The following CHIA variants were observed in gnomAD, a reference collection of about 807,000 sequenced individuals.
CHIA encodes chitinase acidic.
Under a neutral mutation model 53.5 loss-of-function variants are expected in CHIA, and 47 were observed. That is an observed-to-expected ratio of 0.88 (90% CI 0.70 to 1.12). The LOEUF is 1.12. Ranked by LOEUF, CHIA falls within the 50% of genes most tolerant of loss-of-function variation. The probability of loss-of-function intolerance (pLI) is 0.00; values close to 1 mark genes in which losing one functional copy is unlikely to be tolerated. For missense variants in CHIA, 652 were observed against 592.2 expected, an observed-to-expected ratio of 1.10 and a Z score of -1.05; for synonymous variants, 268 against 222.2, an observed-to-expected ratio of 1.21 and a Z score of -1.83.
intron 1 of CHIA, among the ~76,000 whole-genome samples, chr1:111,300,453 A>G (rs1647623716): frequency 1.3e-5 from 2 of 152,230 alleles, no homozygotes; most frequent in Admixed American, 6.5e-5. Flanking sequence ...CTGATCTTTG[A>G]CAAACCTGAC....
At position 111,320,274 on chromosome 1, in the gene CHIA, C is replaced by T. The variant is rs762901024; in HGVS notation, c.1239C>T (p.Asn413=). 2.0e-5 allele frequency: 33 copies of T among 1,613,996 alleles called. 1 individual carries two copies. Among genetic ancestry groups the T allele is most frequent in the Admixed American group, 1.8e-4 (11 of 60,000 alleles). ...PITAAPSGSG[N]GSGSSSSGGS... is the part of the protein sequence containing the mutation. ...CTGCTGCTCCCAGTGGCAGCGGGAA[C>T]GGGAGCGGGAGTAGCAGCTCTGGAG... Residue 413 remains asparagine, a synonymous_variant, in exon 12 of 12, where the codon AAC becomes AAT. Coordinates refer to ENST00000369740, the MANE Select transcript of CHIA (RefSeq NM_201653.4).
At chr1:111,296,263 G>T (rs993034299) in intron 1 of CHIA, among the ~76,000 whole-genome samples, 8 of 152,202 alleles carry the variant, frequency 5.3e-5, no homozygotes, top group Admixed American at 6.5e-5. Flanking sequence ...CTCCTCAAGT[G>T]GGTCCCTGAC....
intron 4 of CHIA, 136 bp downstream of exon 4, chr1:111,312,527 C>T (rs74108971): frequency 0.11 from 80,128 of 713,438 alleles, 5,214 homozygotes; most frequent in African/African-American, 0.19. Flanking sequence ...TCTTTTATAA[C>T]TGACAAAAAT....
intron 1 of CHIA, among the ~76,000 whole-genome samples, chr1:111,295,962 C>G (rs1571261423): frequency 6.6e-6 from 1 of 152,214 alleles, no homozygotes; most frequent in Admixed American, 6.5e-5. Context: ...TCACTGCTAG[C>G]GCAGCAGTCT....
intron 2 of CHIA, among the ~76,000 whole-genome samples, chr1:111,311,428 T>C (rs140275807): frequency 2.0e-5 from 3 of 152,296 alleles, no homozygotes; most frequent in African/African-American, 4.8e-5. Flanking sequence ...CTTCCATAGA[T>C]AGTAAACTTC....
chr1:111,302,731 A>G (rs1338942404), intron 1 of CHIA, among the ~76,000 whole-genome samples: 1 of 152,178 alleles, frequency 6.6e-6, no homozygotes, highest in Non-Finnish European at 1.5e-5. Context: ...TGTTTTTGTT[A>G]GGTAGAGTAT....
chr1:111,313,291 T>A (rs907428604), intron 4 of CHIA, among the ~76,000 whole-genome samples: 5 of 152,192 alleles, frequency 3.3e-5, no homozygotes. Flanking sequence ...GAGTTCCTTT[T>A]TTTTCCATGT....
At chr1:111,317,611 G>GT (rs1363984560) in intron 6 of CHIA, 70 bp from the exon 7 acceptor site, 1 of 1,543,536 alleles carries the variant, frequency 6.5e-7, no homozygotes, top group Admixed American at 1.7e-5. Flanking sequence ...ACAGACATAT[G>GT]TTTATTAGTA....
rs368211379 is a variant in CHIA, at chr1:111,320,376, C to T, written c.1341C>T (p.Phe447=). ...CCGTGGCAAATAACAGAAATGCCTT[C>T]TGGCACTGCGTGAATGGAGTCACGT... ...LYPVANNRNA[F]WHCVNGVTYQ... The change falls in exon 12 of 12, where the codon TTC becomes TTT. Residue 447 remains phenylalanine, a synonymous_variant. Transcript: ENST00000369740. The T allele has an allele frequency of 6.2e-7, 1 of 1,614,228 alleles. No individual in the cohort carries two copies. The highest frequency in any genetic ancestry group is 8.5e-7 in the Non-Finnish European group (1 of 1,180,042).
chr1:111,309,859 C>T (rs72693259), intron 1 of CHIA, among the ~76,000 whole-genome samples: 9 of 152,152 alleles, frequency 5.9e-5, no homozygotes, highest in Non-Finnish European at 1.0e-4. Flanking sequence ...TCTTGGTGAC[C>T]TTTATAGGGG....
chr1:111,320,426 T>A lies in CHIA; in HGVS notation c.1391T>A (p.Leu464His). 6.2e-7 allele frequency: 1 copy of A among 1,614,194 alleles called. No homozygotes were observed. Among genetic ancestry groups the A allele is most frequent in the Non-Finnish European group, 8.5e-7 (1 of 1,180,030 alleles). The part of the protein sequence containing the change: ...VTYQQNCQAG[L>H]VFDTSCDCCN... ...TACCAGCAGAACTGCCAGGCCGGGCTTGTCTTCGACACCAGCTGTGATTGC... is the reference window on the plus strand; with the variant it reads ...TACCAGCAGAACTGCCAGGCCGGGCATGTCTTCGACACCAGCTGTGATTGC... Residue 464 changes from leucine (L) to histidine (H), a missense_variant, in exon 12 of 12, where the codon CTT becomes CAT. Physicochemically the swap from Leu to His is moderately conservative, Grantham distance 99. Coordinates refer to ENST00000369740, the MANE Select transcript of CHIA (RefSeq NM_201653.4).
chr1:111,297,909 A>AAAAC (rs1334699859), intron 1 of CHIA, among the ~76,000 whole-genome samples: 7 of 146,834 alleles, frequency 4.8e-5, no homozygotes, highest in Non-Finnish European at 1.1e-4. Context: ...AGCAAAAAAA[A>AAAAC]AAAAAAAAAA....
chr1:111,297,008 G>A (rs899987635), intron 1 of CHIA, among the ~76,000 whole-genome samples: 2 of 152,144 alleles, frequency 1.3e-5, no homozygotes, highest in African/African-American at 2.4e-5. Flanking sequence ...AATAAACCTA[G>A]AAGAGAAGTT....
chr1:111,311,798 G>T, intron 3 of CHIA, 80 bp downstream of exon 3: 1 of 1,456,488 alleles, frequency 6.9e-7, no homozygotes, highest in South Asian at 1.1e-5. Context: ...GCCGCTGTTT[G>T]CTTCACAGAC....
At chr1:111,313,286 C>T (rs1249508500) in intron 4 of CHIA, among the ~76,000 whole-genome samples, 1 of 152,130 alleles carries the variant, frequency 6.6e-6, no homozygotes, top group Non-Finnish European at 1.5e-5. Context: ...GGCAAGAGTT[C>T]CTTTTTTTTC....
intron 2 of CHIA, 99 bp downstream of exon 2, chr1:111,310,591 T>C (rs1375246536): frequency 1.3e-6 from 2 of 1,566,422 alleles, no homozygotes; most frequent in Non-Finnish European, 8.6e-7. Flanking sequence ...TACATCCCTA[T>C]ACTTTTCCAT....
intron 1 of CHIA, among the ~76,000 whole-genome samples, chr1:111,293,115 G>T (rs1661125634): frequency 6.6e-6 from 1 of 152,086 alleles, no homozygotes; most frequent in Admixed American, 6.5e-5. Context: ...GGAATTGCTG[G>T]ATCATATGGT....
At chr1:111,313,792 A>T (rs1648904141) in intron 4 of CHIA, among the ~76,000 whole-genome samples, 1 of 152,162 alleles carries the variant, frequency 6.6e-6, no homozygotes, top group South Asian at 2.1e-4. Context: ...TTAGATCTTT[A>T]ATCCATTCTG....
chr1:111,312,102 G>A, intron 3 of CHIA, 88 bp from the exon 4 acceptor site: 1 of 985,306 alleles, frequency 1.0e-6, no homozygotes. Flanking sequence ...TGAGGCACAG[G>A]GAGGGAAACA....
Sources: gnomAD v4.1 joint callset for allele counts (sites outside exome capture counted in the v4.1 genomes callset) on GRCh38, gnomAD v4.1.1 for gene constraint, MANE v1.5 for transcripts, NCBI Gene and HGNC (gene_info 2026-07-23, HGNC 2026-07-21) for gene names.